The following EMILIN2 variants were observed in gnomAD, a reference collection of about 807,000 sequenced individuals.
The protein encoded by EMILIN2 is elastin microfibril interfacer 2.
In EMILIN2, 71 loss-of-function variants were observed where a neutral mutation model predicts 87.1. The ratio of observed to expected loss-of-function variants is 0.82; its 90% CI spans 0.67 to 0.99. The LOEUF is 0.99. EMILIN2 is among the 50% of genes least tolerant of loss of function. EMILIN2 has a pLI of 0.00. For missense variants in EMILIN2, 1,407 were observed against 1,371.8 expected (o/e 1.03, Z -0.40); for synonymous variants, 581 against 563.4 (o/e 1.03, Z -0.44).
In EMILIN2 at chr18:2,909,137, T is replaced by C. The variant is rs112040795; in HGVS notation, c.2695+162T>C. On this transcript the variant is annotated intron_variant, in intron 6 of 7. Transcript: ENST00000254528. ...CACTGGGACAGCCCTCTGCTGACTATAGTGGACCAAATTCCCCAAGGTTTG... is the reference window on the plus strand; with the variant it reads ...CACTGGGACAGCCCTCTGCTGACTACAGTGGACCAAATTCCCCAAGGTTTG... 1.9e-3 allele frequency among the ~76,000 whole-genome samples: 292 copies of C among 152,252 alleles called. 1 individual carries two copies. Among genetic ancestry groups the C allele is most frequent in the Middle Eastern group, 6.8e-3 (2 of 294 alleles).
intron 2 of EMILIN2, among the ~76,000 whole-genome samples, chr18:2,869,744 C>A (rs941913194): frequency 6.7e-6 from 1 of 150,084 alleles, no homozygotes; most frequent in Non-Finnish European, 1.5e-5. Context: ...TAGTTGATTA[C>A]TTTTTGTTGT....
chr18:2,885,500 A>AG (rs554135926), intron 3 of EMILIN2, among the ~76,000 whole-genome samples: 133 of 152,256 alleles, frequency 8.7e-4, no homozygotes, highest in African/African-American at 2.9e-3. Flanking sequence ...ATCTGAATTT[A>AG]GGGGGGTTAA....
In EMILIN2 at chr18:2,891,666, T is replaced by C. The variant is rs536103597; in HGVS notation, c.1539T>C (p.Gly513=). ...SVLLQMTNNT[G]AELSPPGAAA... ...TCCTACAGATGACCAATAACACTGG[T>C]GCAGAGCTCAGTCCCCCAGGGGCAG... The change falls in exon 4 of 8, where the codon GGT becomes GGC. Residue 513 remains glycine (G), a synonymous_variant. Coordinates refer to ENST00000254528, the MANE Select transcript of EMILIN2 (RefSeq NM_032048.3). The surrounding 1 kb of genome is among the most constrained non-coding windows in gnomAD (Gnocchi z 4.6). 79 of 1,614,114 alleles carry C rather than the reference T, an allele frequency of 4.9e-5. No homozygotes were observed. The Middle Eastern group carries it at 8.2e-4, about 17-fold the overall frequency.
rs2076773866 is a variant in EMILIN2, at chr18:2,880,881, G to A, written c.258-4083G>A. Among the ~76,000 whole-genome samples the A allele has an allele frequency of 6.6e-6, 1 of 152,326 alleles. No homozygotes were observed. Among genetic ancestry groups the A allele is most frequent in the Non-Finnish European group, 1.5e-5 (1 of 68,030 alleles). On this transcript the variant is annotated intron_variant, in intron 2 of 7. Transcript: ENST00000254528. The surrounding 1 kb of genome is among the most constrained non-coding windows in gnomAD (Gnocchi z 4.1). ...TGGCTGCACTTGACAACGACTTGGG[G>A]ACTTTTAGAAAGGTACGAGCACCCT...
At chr18:2,868,493 C>T (rs1157961744) in intron 2 of EMILIN2, among the ~76,000 whole-genome samples, 1 of 152,272 alleles carries the variant, frequency 6.6e-6, no homozygotes. Context: ...CACTGCACTC[C>T]AGCCTGGGCA....
chr18:2,891,262 G>T lies in EMILIN2; in HGVS notation c.1135G>T (p.Glu379Ter), dbSNP rs2144038524. 1 of 1,614,192 alleles carries T rather than the reference G, an allele frequency of 6.2e-7. No individual in the cohort carries two copies. The highest frequency in any genetic ancestry group is 8.5e-7 in the Non-Finnish European group (1 of 1,180,038). ...GGAGAAGGAAACAAGCCTGAGAAAA[G>T]AAATAAATAACCTCCGAGCCCGGCT... Reference protein sequence around the residue: ...IGEKETSLRKEINNLRARLQE... With the variant: ...IGEKETSLRK Residue 379 changes from glutamate (E) to a stop codon, truncating the protein, a stop_gained, in exon 4 of 8, where the codon GAA becomes TAA. Transcript: ENST00000254528. LOFTEE classifies it high-confidence loss of function. This position sits in a 1 kb window ranked among gnomAD's most constrained non-coding sequence, Gnocchi z 4.6.
At chr18:2,881,214 A>C (rs2076775404) in intron 2 of EMILIN2, among the ~76,000 whole-genome samples, 1 of 152,166 alleles carries the variant, frequency 6.6e-6, no homozygotes, top group Non-Finnish European at 1.5e-5. Context: ...TGTCATCGTC[A>C]TGCGACATCC....
chr18:2,888,062 A>T (rs762635367), intron 3 of EMILIN2, among the ~76,000 whole-genome samples: 4 of 152,240 alleles, frequency 2.6e-5, no homozygotes, highest in Non-Finnish European at 4.4e-5. Flanking sequence ...AATGTGAGTT[A>T]TTGAACACCA....
At chr18:2,873,198 G>A (rs533622056) in intron 2 of EMILIN2, among the ~76,000 whole-genome samples, 6 of 152,068 alleles carry the variant, frequency 3.9e-5, no homozygotes, top group Admixed American at 1.3e-4. Context: ...ATCACCTGAG[G>A]TCAGGAGTTC....
At chr18:2,861,364 A>G (rs1202760853) in intron 2 of EMILIN2, among the ~76,000 whole-genome samples, 4 of 152,170 alleles carry the variant, frequency 2.6e-5, no homozygotes, top group Admixed American at 2.6e-4. Context: ...TTATGGTTTT[A>G]GGTCTAACAT....
intron 2 of EMILIN2, among the ~76,000 whole-genome samples, chr18:2,855,469 C>T (rs2076622146): frequency 6.6e-6 from 1 of 152,230 alleles, no homozygotes; most frequent in Non-Finnish European, 1.5e-5. Context: ...TTACGAAAAG[C>T]AGCCTGCTTT....
chr18:2,907,980 G>A (rs1479668701), intron 5 of EMILIN2, among the ~76,000 whole-genome samples: 1 of 152,212 alleles, frequency 6.6e-6, no homozygotes, highest in African/African-American at 2.4e-5. Flanking sequence ...TGATAGCCTG[G>A]TGCCCCCATG....
intron 2 of EMILIN2, among the ~76,000 whole-genome samples, chr18:2,866,168 A>G (rs927240295): frequency 1.3e-5 from 2 of 152,150 alleles, no homozygotes; most frequent in Admixed American, 1.3e-4. Flanking sequence ...GGGTGAGGCA[A>G]TGCCTCGCCC....
chr18:2,868,761 G>C (rs185950736), intron 2 of EMILIN2, among the ~76,000 whole-genome samples: 121 of 152,364 alleles, frequency 7.9e-4, no homozygotes, highest in African/African-American at 1.1e-3. Flanking sequence ...GTCCAGCTTC[G>C]GCTCGGCATC....
chr18:2,885,148 T>C lies in EMILIN2; in HGVS notation c.433+9T>C, dbSNP rs2076797248. The C allele has an allele frequency of 6.3e-7, 1 of 1,590,296 alleles. No homozygotes were observed. The highest frequency in any genetic ancestry group is 1.8e-5 in the Admixed American group (1 of 56,122). ...CTTGAAGAAAGCCACAGGTAACTTC[T>C]TATTTGTGCTATTATGTATGGCCAC... On this transcript the variant is annotated intron_variant, in intron 3 of 7. Coordinates refer to ENST00000254528, the MANE Select transcript of EMILIN2 (RefSeq NM_032048.3).
intron 2 of EMILIN2, among the ~76,000 whole-genome samples, chr18:2,866,029 G>A (rs2076685105): frequency 6.6e-6 from 1 of 152,256 alleles, no homozygotes; most frequent in African/African-American, 2.4e-5. Flanking sequence ...ATATAATCTG[G>A]TGTGTGCTGT....
chr18:2,863,891 A>C (rs553944637), intron 2 of EMILIN2, among the ~76,000 whole-genome samples: 18 of 152,252 alleles, frequency 1.2e-4, no homozygotes, highest in Admixed American at 8.5e-4. Context: ...TTGCTTTATG[A>C]ATCTTGGTGC....
intron 2 of EMILIN2, among the ~76,000 whole-genome samples, chr18:2,859,112 T>C (rs906017886): frequency 6.6e-6 from 1 of 152,184 alleles, no homozygotes; most frequent in Non-Finnish European, 1.5e-5. Flanking sequence ...CAAATGGTAG[T>C]TCTACTTTTA....
chr18:2,905,036 G>C (rs2076903416), intron 4 of EMILIN2, among the ~76,000 whole-genome samples: 1 of 152,070 alleles, frequency 6.6e-6, no homozygotes, highest in African/African-American at 2.4e-5. Flanking sequence ...CAATCCCTCT[G>C]CCTCAGTTTC....
Sources: gnomAD v4.1 joint callset for allele counts (sites outside exome capture counted in the v4.1 genomes callset) on GRCh38, gnomAD v4.1.1 for gene constraint, Gnocchi (gnomAD v3.1) non-coding constraint, MANE v1.5 for transcripts, NCBI Gene and HGNC (gene_info 2026-07-23, HGNC 2026-07-21) for gene names.